Variants in PCLO observed in about 807,000 individuals in gnomAD.
The protein encoded by PCLO is protein piccolo.
PCLO carries 82 observed loss-of-function variants against 427.5 expected under a neutral mutation model. The observed-to-expected ratio is 0.19, with a 90% confidence interval of 0.16 to 0.23. The LOEUF is 0.23. Among genes scored for constraint, PCLO ranks in the 10% least tolerant of loss-of-function variants. PCLO has a pLI of 1.00. For synonymous variants in PCLO, 2,357 were observed against 2,155.4 expected (o/e 1.09, Z -2.59); for missense variants, 6,239 against 6,115.9 (o/e 1.02, Z -0.67).
chr7:83,135,274 A>G lies in PCLO; in HGVS notation c.2276T>C (p.Met759Thr). The change falls in exon 3 of 25, where the codon ATG (methionine) becomes ACG (threonine). Residue 759 changes from methionine (M) to threonine (T), a missense_variant. Physicochemically the swap from Met to Thr is moderately conservative, Grantham distance 81. Transcript: ENST00000333891. ...VADDKPKQPKMVKPTTDLVSS... is the reference protein window; with the variant it reads ...VADDKPKQPKTVKPTTDLVSS... ...TACAAGGTCAGTGGTTGGCTTTACC[A>G]TCTTGGGCTGCTTTGGTTTATCATC... 6.2e-7 allele frequency: 1 copy of G among 1,613,900 alleles called. No individual in the cohort carries two copies. Among genetic ancestry groups the G allele is most frequent in the African/African-American group, 1.3e-5 (1 of 75,010 alleles).
rs367747107 is a variant in PCLO, at chr7:82,966,122, A to G, written c.3666T>C (p.Pro1222=). The G allele has an allele frequency of 5.0e-4, 810 of 1,604,732 alleles. 4 individuals are homozygous for G. The highest frequency in any genetic ancestry group is 1.1e-3 in the South Asian group (102 of 88,820). ...CTTCAGAACGTATCTTTTCTTCTTC[A>G]GGGATTAGTTTTTTTTCTTCAGGGA... is the stretch of plus-strand genomic sequence containing the variant. ...KPLPEEKKLI[P]EEEKIRSEEK... The change falls in exon 4 of 25, where the codon CCT becomes CCC. Residue 1222 remains proline, a synonymous_variant. Coordinates refer to ENST00000333891, the MANE Select transcript of PCLO (RefSeq NM_033026.6).
intron 3 of PCLO, among the ~76,000 whole-genome samples, chr7:83,025,962 C>T (rs1355614722): frequency 3.3e-5 from 5 of 152,182 alleles, no homozygotes; most frequent in Admixed American, 2.6e-4. Flanking sequence ...AAGCGCTAAA[C>T]ATGGAAAGGA....
At chr7:83,130,160 GTTA>G (rs1207572978) in intron 3 of PCLO, among the ~76,000 whole-genome samples, 67 of 146,658 alleles carry the variant, frequency 4.6e-4, no homozygotes, top group African/African-American at 6.2e-4. Flanking sequence ...TGTTGTTGTT[GTTA>G]TTATTTGAGA....
chr7:82,805,883 A>G, intron 20 of PCLO, 54 bp from the exon 21 acceptor site: 2 of 1,508,704 alleles, frequency 1.3e-6, no homozygotes, highest in Non-Finnish European at 9.0e-7. Context: ...GCTGACATTG[A>G]TCTACAAATG....
intron 5 of PCLO, 56 bp from the exon 6 acceptor site, chr7:82,951,546 GT>G: frequency 8.2e-7 from 1 of 1,219,526 alleles, no homozygotes; most frequent in Non-Finnish European, 1.1e-6. Context: ...TGCTTTTTGA[GT>G]TTGAAAACCC....
At chr7:83,051,081 T>G (rs974230774) in intron 3 of PCLO, among the ~76,000 whole-genome samples, 12 of 152,102 alleles carry the variant, frequency 7.9e-5, no homozygotes, top group African/African-American at 2.9e-4. Context: ...ATAAAGAACT[T>G]CTACAAAACA....
chr7:83,021,412 T>C lies in PCLO; in HGVS notation c.3301-54925A>G, dbSNP rs551249853. On this transcript the variant is annotated intron_variant, in intron 3 of 24. Transcript: ENST00000333891. ...TTCTGATTTTCCCATTTATTGGCACTGTGATTTTGGACACATTATGTAAAG... is the reference window on the plus strand; with the variant it reads ...TTCTGATTTTCCCATTTATTGGCACCGTGATTTTGGACACATTATGTAAAG... Among the ~76,000 whole-genome samples, 5 of 152,328 alleles carry C rather than the reference T, an allele frequency of 3.3e-5. No homozygotes were observed. In the South Asian group the frequency reaches 8.3e-4, roughly 25 times the overall value.
intron 3 of PCLO, among the ~76,000 whole-genome samples, chr7:83,014,492 GA>G (rs1027966881): frequency 2.7e-4 from 41 of 151,828 alleles, no homozygotes; most frequent in African/African-American, 9.4e-4. Context: ...ATATTTCTCT[GA>G]AACTTCCAGT....
At chr7:82,866,615 A>T (rs1793099202) in intron 10 of PCLO, among the ~76,000 whole-genome samples, 1 of 151,648 alleles carries the variant, frequency 6.6e-6, no homozygotes, top group East Asian at 1.9e-4. Context: ...AGAAAAATAA[A>T]GGAATCTTAT....
chr7:82,864,678 C>T (rs1465812956), intron 10 of PCLO, among the ~76,000 whole-genome samples: 1 of 152,028 alleles, frequency 6.6e-6, no homozygotes, highest in African/African-American at 2.4e-5. Flanking sequence ...ATCCTCAAAA[C>T]GTTATACTTT....
chr7:83,056,944 T>C, intron 3 of PCLO, among the ~76,000 whole-genome samples: 1 of 152,138 alleles, frequency 6.6e-6, no homozygotes, highest in East Asian at 1.9e-4. Flanking sequence ...GGCTAATATT[T>C]TATATTCATC....
intron 3 of PCLO, among the ~76,000 whole-genome samples, chr7:83,026,642 C>A (rs1386255128): frequency 1.3e-5 from 2 of 152,006 alleles, no homozygotes; most frequent in African/African-American, 4.8e-5. Flanking sequence ...CCCAAATCAA[C>A]AGAATATACA....
chr7:83,145,176 C>G (rs1300857389), intron 2 of PCLO, among the ~76,000 whole-genome samples: 1 of 152,128 alleles, frequency 6.6e-6, no homozygotes, highest in African/African-American at 2.4e-5. Flanking sequence ...AAGTTATGAC[C>G]TTCATCATCT....
intron 8 of PCLO, 94 bp downstream of exon 8, chr7:82,908,783 C>A: frequency 1.9e-6 from 2 of 1,063,346 alleles, no homozygotes. Context: ...AATAAACAAA[C>A]ATCTCATTCC....
intron 2 of PCLO, among the ~76,000 whole-genome samples, chr7:83,152,887 G>A (rs1362500693): frequency 1.3e-5 from 2 of 152,044 alleles, no homozygotes; most frequent in African/African-American, 2.4e-5. Context: ...TCACATTTTA[G>A]TTATCTTTAT....
At chr7:82,858,661 T>C (rs983286023) in intron 10 of PCLO, among the ~76,000 whole-genome samples, 6 of 152,118 alleles carry the variant, frequency 3.9e-5, no homozygotes, top group African/African-American at 1.4e-4. Flanking sequence ...GCTTATACTA[T>C]GCACTTCTAA....
chr7:83,043,084 G>GCTT (rs1789012152), intron 3 of PCLO, among the ~76,000 whole-genome samples: 2 of 152,236 alleles, frequency 1.3e-5, no homozygotes, highest in South Asian at 4.1e-4. Context: ...AGTGTCCCTG[G>GCTT]CTTCTGTTCA....
intron 6 of PCLO, among the ~76,000 whole-genome samples, chr7:82,938,835 T>C (rs1795015345): frequency 6.6e-6 from 1 of 152,048 alleles, no homozygotes; most frequent in Non-Finnish European, 1.5e-5. Context: ...AGTTCTAATA[T>C]GCTACAATGA....
At chr7:83,130,410 C>G (rs1791542011) in intron 3 of PCLO, among the ~76,000 whole-genome samples, 1 of 152,158 alleles carries the variant, frequency 6.6e-6, no homozygotes, top group African/African-American at 2.4e-5. Flanking sequence ...CTCCTGACCT[C>G]AAGTGATCTG....
Sources: gnomAD v4.1 joint callset for allele counts (sites outside exome capture counted in the v4.1 genomes callset) on GRCh38, gnomAD v4.1.1 for gene constraint, MANE v1.5 for transcripts, NCBI Gene and HGNC (gene_info 2026-07-23, HGNC 2026-07-21) for gene names.